Variants in KIAA1549 observed in about 807,000 individuals in gnomAD.
The protein encoded by KIAA1549 is UPF0606 protein KIAA1549.
KIAA1549 carries 70 observed loss-of-function variants against 156.4 expected under a neutral mutation model. That is an observed-to-expected ratio of 0.45 (90% CI 0.37 to 0.55). The LOEUF (loss-of-function observed/expected upper bound fraction) is 0.55. Ranked by LOEUF, KIAA1549 falls within the 20% of genes least tolerant of loss-of-function variation. The probability of loss-of-function intolerance (pLI) is 0.00; values close to 1 mark genes in which losing one functional copy is unlikely to be tolerated. For synonymous variants in KIAA1549, 1,103 were observed against 1,066.4 expected (o/e 1.03, Z -0.67); for missense variants, 2,428 against 2,540.9 (o/e 0.96, Z 0.96).
At position 138,918,483 on chromosome 7, in the gene KIAA1549, G is replaced by T; in HGVS notation, c.1143C>A (p.Pro381=). Residue 381 remains proline (P), a synonymous_variant, in exon 2 of 20, where the codon CCC becomes CCA. Transcript: ENST00000422774. This position sits in a 1 kb window ranked among gnomAD's most constrained non-coding sequence, Gnocchi z 4.2. The stretch of plus-strand genomic sequence containing the variant: ...TTTTGCTGGAGTCGCTAGGGAGAAA[G>T]GGGTTAGATGAAACATCAGTTGGTG... ...SASPTDVSSN[P]FLPSDSSKTS... 2.5e-6 allele frequency: 4 copies of T among 1,614,038 alleles called. No individual in the cohort carries two copies. Among genetic ancestry groups the T allele is most frequent in the Non-Finnish European group, 3.4e-6 (4 of 1,179,898 alleles).
At position 138,861,261 on chromosome 7, in the gene KIAA1549, C is replaced by T; in HGVS notation, c.5125G>A (p.Gly1709Ser). 6.2e-7 allele frequency: 1 copy of T among 1,609,544 alleles called. No homozygotes were observed. The highest frequency in any genetic ancestry group is 8.5e-7 in the Non-Finnish European group (1 of 1,178,786). Reference protein sequence around the residue: ...APSSQPASTAGVGPGVPPGLP... With the variant: ...APSSQPASTASVGPGVPPGLP... The stretch of plus-strand genomic sequence containing the variant: ...CCGGGTGGGACTCCGGGGCCTACAC[C>T]TGCGGTGCTGGCAGGCTGGCTGCTG... Residue 1709 changes from glycine (G) to serine (S), a missense_variant, in exon 16 of 20, where the codon GGT becomes AGT. This residue lies in a region of KIAA1549 where 363 missense variants were observed against 354.0 expected (regional missense o/e 1.03). Coordinates refer to ENST00000422774, the MANE Select transcript of KIAA1549 (RefSeq NM_001164665.2).
intron 12 of KIAA1549, 123 bp downstream of exon 12, chr7:138,879,415 G>A: frequency 1.6e-6 from 1 of 621,324 alleles, no homozygotes; most frequent in Admixed American, 3.1e-5. Flanking sequence ...CCACAGGAAT[G>A]ATGAATTTTC....
intron 1 of KIAA1549, among the ~76,000 whole-genome samples, chr7:138,967,594 A>G (rs1306164902): frequency 6.6e-6 from 1 of 152,184 alleles, no homozygotes; most frequent in Admixed American, 6.5e-5. Context: ...TCAAATTCCT[A>G]AGACTCTCTT....
At chr7:138,963,847 T>G (rs774797309) in intron 1 of KIAA1549, among the ~76,000 whole-genome samples, 1 of 152,022 alleles carries the variant, frequency 6.6e-6, no homozygotes, top group African/African-American at 2.4e-5. Context: ...AAAAACAGCA[T>G]AGTCAACACA....
intron 1 of KIAA1549, among the ~76,000 whole-genome samples, chr7:138,920,183 C>T (rs73168952): frequency 0.22 from 18,249 of 83,086 alleles, 31 homozygotes; most frequent in African/African-American, 0.45. Flanking sequence ...CAGCTCTCTA[C>T]ATGGATGGAT....
At chr7:138,905,459 G>GCC (rs1243107807) in intron 6 of KIAA1549, among the ~76,000 whole-genome samples, 2 of 152,144 alleles carry the variant, frequency 1.3e-5, no homozygotes, top group African/African-American at 4.8e-5. Flanking sequence ...CCCAGGACCA[G>GCC]CCAGTGTGCC....
intron 1 of KIAA1549, among the ~76,000 whole-genome samples, chr7:138,979,127 G>A (rs558072038): frequency 6.6e-5 from 10 of 152,324 alleles, no homozygotes; most frequent in South Asian, 2.1e-4. Flanking sequence ...GCCTGGCAGC[G>A]GCTGAAGCCA....
intron 19 of KIAA1549, 58 bp downstream of exon 19, chr7:138,840,075 C>G: frequency 6.9e-7 from 1 of 1,458,074 alleles, no homozygotes; most frequent in South Asian, 1.3e-5. Context: ...CAGGTGTGAG[C>G]CACCGCACCT....
At position 138,838,150 on chromosome 7, in the gene KIAA1549, A is replaced by C. The variant is rs1187809268; in HGVS notation, c.5609T>G (p.Leu1870Arg). The change falls in exon 20 of 20, where the codon CTC becomes CGC. Residue 1870 changes from leucine to arginine, a missense_variant. Leu to Arg is a moderately radical substitution (Grantham distance 102, BLOSUM62 -2). Around this residue, in one of 5 missense-constraint regions of KIAA1549, gnomAD observed 363 missense variants for 354.0 expected, o/e 1.03. Transcript: ENST00000422774. ...EAGRREATHMLGHQEYSSSPL... is the reference protein window; with the variant it reads ...EAGRREATHMRGHQEYSSSPL... Reference sequence around the variant, plus strand: ...TGAAGAAGAATACTCTTGATGTCCGAGCATGTGTGTCTGAAAAACATGGCA... The same window carrying C: ...TGAAGAAGAATACTCTTGATGTCCGCGCATGTGTGTCTGAAAAACATGGCA... 1 of 1,472,246 alleles carries C rather than the reference A, an allele frequency of 6.8e-7. No homozygotes were observed. The highest frequency in any genetic ancestry group is 8.9e-7 in the Non-Finnish European group (1 of 1,117,538). 91.2% of individuals were successfully genotyped at this position (1,472,246 alleles called of 1,614,324 possible).
Position 138,837,242 on chromosome 7 carries a change from T to C in KIAA1549, c.*664A>G, listed in dbSNP as rs151210817. The C allele has an allele frequency of 6.9e-4, 156 of 227,320 alleles. No individual in the cohort carries two copies. Among genetic ancestry groups the C allele is most frequent in the Non-Finnish European group, 1.2e-3 (133 of 114,598 alleles). The allele number at this position is 227,320 out of a possible 1,614,324, so 14.1% of individuals were successfully genotyped here. A position where few individuals can be genotyped will look rare whatever the true frequency, so the allele number is the denominator to read the frequency against. Reference sequence around the variant, plus strand: ...TATTCTTCCACTGAAAAAGCCAAAGTTCCATTTCAGACATGAAGGTGAAGG... The same window carrying C: ...TATTCTTCCACTGAAAAAGCCAAAGCTCCATTTCAGACATGAAGGTGAAGG... On this transcript the variant is annotated 3_prime_UTR_variant, in exon 20 of 20. Coordinates refer to ENST00000422774, the MANE Select transcript of KIAA1549 (RefSeq NM_001164665.2).
intron 17 of KIAA1549, among the ~76,000 whole-genome samples, chr7:138,846,094 A>G (rs1810064658): frequency 6.6e-6 from 1 of 152,226 alleles, no homozygotes; most frequent in African/African-American, 2.4e-5. Flanking sequence ...GTTTAATAAG[A>G]TTTATGATTT....
chr7:138,876,651 T>A (rs1811092498), intron 12 of KIAA1549, among the ~76,000 whole-genome samples: 1 of 152,250 alleles, frequency 6.6e-6, no homozygotes, highest in Admixed American at 6.5e-5. Flanking sequence ...ACTTGGTATA[T>A]TCCTGATGAT....
At chr7:138,958,541 C>T (rs1196895075) in intron 1 of KIAA1549, among the ~76,000 whole-genome samples, 2 of 152,132 alleles carry the variant, frequency 1.3e-5, no homozygotes, top group African/African-American at 4.8e-5. Flanking sequence ...ATATAACTTC[C>T]CAGCTGTAAA....
intron 10 of KIAA1549, among the ~76,000 whole-genome samples, chr7:138,882,194 G>A (rs1186369099): frequency 3.3e-5 from 5 of 152,220 alleles, no homozygotes; most frequent in Non-Finnish European, 7.3e-5. Flanking sequence ...AGCAGGAGGA[G>A]AGCCTGGCCA....
intron 15 of KIAA1549, among the ~76,000 whole-genome samples, chr7:138,867,021 T>TC (rs1316009888): frequency 6.6e-6 from 1 of 152,124 alleles, no homozygotes; most frequent in African/African-American, 2.4e-5. Flanking sequence ...CAGGCTGGTC[T>TC]CCAACACCTG....
In KIAA1549 at chr7:138,903,852, T is replaced by TGC. The variant is rs1169332653; in HGVS notation, c.3521-118_3521-117dup. ...GTGTGTGTGTGTGTGTGTGTGTGTG[T>TGC]GCGCGCGCGCGCGCGCGCACATATG... is the stretch of plus-strand genomic sequence containing the variant. On this transcript the variant is annotated intron_variant, in intron 7 of 19. Transcript: ENST00000422774. 2.4e-3 allele frequency: 698 copies of TGC among 286,970 alleles called. 3 individuals are homozygous for TGC. The highest frequency in any genetic ancestry group is 6.2e-3 in the East Asian group (57 of 9,186). The allele number at this position is 286,970 out of a possible 1,614,324, so 17.8% of individuals were successfully genotyped here.
chr7:138,875,927 C>G (rs562294949), intron 12 of KIAA1549, among the ~76,000 whole-genome samples: 1 of 151,616 alleles, frequency 6.6e-6, no homozygotes, highest in African/African-American at 2.4e-5. Context: ...TCTTCAGTAG[C>G]TGGGACCACA....
intron 13 of KIAA1549, among the ~76,000 whole-genome samples, chr7:138,870,049 C>T (rs1438319831): frequency 1.3e-5 from 2 of 151,972 alleles, no homozygotes; most frequent in Non-Finnish European, 2.9e-5. Context: ...TGGGGTTTCT[C>T]TATGTTGGCC....
chr7:138,917,601 A>C lies in KIAA1549; in HGVS notation c.2025T>G (p.Ser675=), dbSNP rs1563076640. 1 of 1,613,964 alleles carries C rather than the reference A, an allele frequency of 6.2e-7. No individual in the cohort carries two copies. Among genetic ancestry groups the C allele is most frequent in the South Asian group, 1.1e-5 (1 of 91,072 alleles). The change falls in exon 2 of 20, where the codon TCT becomes TCG. Residue 675 remains serine, a synonymous_variant. Transcript: ENST00000422774. ...PLVETFTLFD[S]SDLQSSQLSL... ...ACAGCTGAGATGACTGCAGATCACT[A>C]GAGTCAAACAATGTAAATGTCTCAA...
Sources: gnomAD v4.1 joint callset for allele counts (sites outside exome capture counted in the v4.1 genomes callset) on GRCh38, gnomAD v4.1.1 for gene constraint, gnomAD v4.1.1 regional missense constraint, Gnocchi (gnomAD v3.1) non-coding constraint, MANE v1.5 for transcripts, NCBI Gene and HGNC (gene_info 2026-07-23, HGNC 2026-07-21) for gene names.